ABLIM2: variants seen among roughly 807,000 people sequenced by gnomAD.
The protein encoded by ABLIM2 is actin binding LIM protein family member 2, also known as actin-binding LIM protein 2.
A neutral mutation model predicts 97.7 loss-of-function variants in ABLIM2; 53 were observed. That is an observed-to-expected ratio of 0.54 (90% CI 0.44 to 0.68). The LOEUF (loss-of-function observed/expected upper bound fraction) is 0.68, where lower values mean the gene tolerates loss of function less well. Among genes scored for constraint, ABLIM2 ranks in the 30% least tolerant of loss-of-function variants. The pLI is 0.00. For synonymous variants in ABLIM2, 361 were observed against 345.8 expected (o/e 1.04, Z -0.49); for missense variants, 835 against 867.2 (o/e 0.96, Z 0.47).
At chr4:8,136,144 C>CA (rs1275017246) in intron 1 of ABLIM2, among the ~76,000 whole-genome samples, 4 of 152,208 alleles carry the variant, frequency 2.6e-5, no homozygotes, top group Non-Finnish European at 4.4e-5. Flanking sequence ...AAAATCCCGA[C>CA]AGAGGCTACA....
intron 9 of ABLIM2, among the ~76,000 whole-genome samples, chr4:8,039,683 G>A (rs919376935): frequency 6.6e-6 from 1 of 152,100 alleles, no homozygotes. Flanking sequence ...ATGGAAGAAC[G>A]TTGCTTTTAT....
rs935614020 is a variant in ABLIM2 at position 8,128,247 on chromosome 4, C to T, written c.11-21610G>A. On this transcript the variant is annotated intron_variant, in intron 1 of 20. Coordinates refer to ENST00000447017, the MANE Select transcript of ABLIM2 (RefSeq NM_001130083.2). The surrounding 1 kb of genome is among the most constrained non-coding windows in gnomAD (Gnocchi z 4.9). ...GACACCAGTCACTGCATTTGGGGTC[C>T]GCCCTCATCCACAATGACCTCATCT... is the stretch of plus-strand genomic sequence containing the variant. 5.3e-5 allele frequency among the ~76,000 whole-genome samples: 8 copies of T among 152,158 alleles called. No individual in the cohort carries two copies. The highest frequency in any genetic ancestry group is 8.8e-5 in the Non-Finnish European group (6 of 68,038).
Position 8,058,451 on chromosome 4 carries a change from G to C in ABLIM2, c.763+2516C>G, listed in dbSNP as rs1040485349. Among the ~76,000 whole-genome samples the C allele has an allele frequency of 1.3e-5, 2 of 152,234 alleles. No individual in the cohort carries two copies. Among genetic ancestry groups the C allele is most frequent in the Admixed American group, 1.3e-4 (2 of 15,280 alleles). ...GCCCGCAGGCACCTGCACGGCAGAC[G>C]CTCTGACAGCAGCTCTCCCAGACCT... is the stretch of plus-strand genomic sequence containing the variant. On this transcript the variant is annotated intron_variant, in intron 7 of 20. Coordinates refer to ENST00000447017, the MANE Select transcript of ABLIM2 (RefSeq NM_001130083.2). This position sits in a 1 kb window ranked among gnomAD's most constrained non-coding sequence, Gnocchi z 4.2.
rs962942170 is a variant in ABLIM2 at position 8,128,456 on chromosome 4, C to G, written c.11-21819G>C. On this transcript the variant is annotated intron_variant, in intron 1 of 20. Coordinates refer to ENST00000447017, the MANE Select transcript of ABLIM2 (RefSeq NM_001130083.2). The surrounding 1 kb of genome is among the most constrained non-coding windows in gnomAD (Gnocchi z 4.9). ...TGCAGCTCGCAAGGCCCCTGCATAC[C>G]GAAACATGGCTAGCACCACGCAGAA... 2.0e-5 allele frequency among the ~76,000 whole-genome samples: 3 copies of G among 152,212 alleles called. No homozygotes were observed. Among genetic ancestry groups the G allele is most frequent in the Admixed American group, 6.5e-5 (1 of 15,284 alleles).
In ABLIM2 at chr4:8,045,270, G is replaced by A. The variant is rs142781024; in HGVS notation, c.823-29C>T. The A allele has an allele frequency of 5.7e-4, 910 of 1,596,588 alleles. 9 individuals are homozygous for A. In the East Asian group the frequency reaches 0.018, roughly 31 times the overall value. Reference sequence around the variant, plus strand: ...AGAAAGGAGAGAGGAAGAGATTGAAGGCAGGTACCAACATTCGGGGCCTTC... The same window carrying A: ...AGAAAGGAGAGAGGAAGAGATTGAAAGCAGGTACCAACATTCGGGGCCTTC... On this transcript the variant is annotated intron_variant, in intron 8 of 20. Coordinates refer to ENST00000447017, the MANE Select transcript of ABLIM2 (RefSeq NM_001130083.2).
intron 1 of ABLIM2, among the ~76,000 whole-genome samples, chr4:8,151,113 C>G (rs982815707): frequency 3.3e-5 from 5 of 152,172 alleles, no homozygotes; most frequent in African/African-American, 1.2e-4. Flanking sequence ...TTTAAACAAT[C>G]CGCTTGGAGA....
Position 8,032,857 on chromosome 4 carries a change from T to C in ABLIM2, c.1048-3081A>G, listed in dbSNP as rs895320592. 3.3e-5 allele frequency among the ~76,000 whole-genome samples: 5 copies of C among 151,944 alleles called. No homozygotes were observed. The highest frequency in any genetic ancestry group is 1.2e-4 in the African/African-American group (5 of 41,378). ...AAGTCAGGGTTCCAGAACCTTCTCT[T>C]TGGAGAAACATGGTTAATTCTTCCC... On this transcript the variant is annotated intron_variant, in intron 10 of 20. Coordinates refer to ENST00000447017, the MANE Select transcript of ABLIM2 (RefSeq NM_001130083.2). This position sits in a 1 kb window ranked among gnomAD's most constrained non-coding sequence, Gnocchi z 4.3.
rs145012746 is a variant in ABLIM2, at chr4:8,082,049, G to C, written c.455-1247C>G. Among the ~76,000 whole-genome samples the C allele has an allele frequency of 5.9e-5, 9 of 152,284 alleles. No individual in the cohort carries two copies. The highest frequency in any genetic ancestry group is 1.3e-4 in the Non-Finnish European group (9 of 68,018). Reference sequence around the variant, plus strand: ...GAAGTGTGTGTCTGCGTGTGTTTAAGGGTGTGGTTGTGTGTTGGGGGCATG... The same window carrying C: ...GAAGTGTGTGTCTGCGTGTGTTTAACGGTGTGGTTGTGTGTTGGGGGCATG... On this transcript the variant is annotated intron_variant, in intron 4 of 20. Transcript: ENST00000447017. The surrounding 1 kb of genome is among the most constrained non-coding windows in gnomAD (Gnocchi z 5.6).
rs1309647061 is a variant in ABLIM2 at position 8,147,137 on chromosome 4, AT to A, written c.10+11542del. 1.3e-5 allele frequency among the ~76,000 whole-genome samples: 2 copies of A among 152,246 alleles called. No individual in the cohort carries two copies. The highest frequency in any genetic ancestry group is 4.8e-5 in the African/African-American group (2 of 41,462). On this transcript the variant is annotated intron_variant, in intron 1 of 20. Coordinates refer to ENST00000447017, the MANE Select transcript of ABLIM2 (RefSeq NM_001130083.2). This position sits in a 1 kb window ranked among gnomAD's most constrained non-coding sequence, Gnocchi z 5.3. ...TTATTCCATCAAAAGGCATGAATGTATTTAAGTCTCCATACATTTCACCTAA... is the reference window on the plus strand; with the variant it reads ...TTATTCCATCAAAAGGCATGAATGTATTAAGTCTCCATACATTTCACCTAA...
intron 1 of ABLIM2, among the ~76,000 whole-genome samples, chr4:8,116,880 A>G (rs1843022640): frequency 6.6e-6 from 1 of 152,220 alleles, no homozygotes; most frequent in Non-Finnish European, 1.5e-5. Flanking sequence ...CACCAAGCAA[A>G]AAGTTAGGTT....
Position 8,112,230 on chromosome 4 carries a change from C to G in ABLIM2, c.11-5593G>C, listed in dbSNP as rs1840696908. ...TGGCTCTCTCAGGAAATCCCCCTGC[C>G]TCCCCCTCCAGGCTGAACTCCTGGT... On this transcript the variant is annotated intron_variant, in intron 1 of 20. Transcript: ENST00000447017. This position sits in a 1 kb window ranked among gnomAD's most constrained non-coding sequence, Gnocchi z 4.2. Among the ~76,000 whole-genome samples the G allele has an allele frequency of 6.6e-6, 1 of 152,218 alleles. No homozygotes were observed. Among genetic ancestry groups the G allele is most frequent in the African/African-American group, 2.4e-5 (1 of 41,454 alleles).
rs1288376511 is a variant in ABLIM2 at position 8,061,205 on chromosome 4, G to A, written c.676-151C>T. 7.7e-6 allele frequency among the ~76,000 whole-genome samples: 1 copy of A among 129,746 alleles called. No individual in the cohort carries two copies. The highest frequency in any genetic ancestry group is 2.7e-4 in the East Asian group (1 of 3,664). 85.1% of individuals were successfully genotyped at this position (129,746 alleles called of 152,430 possible). On this transcript the variant is annotated intron_variant, in intron 6 of 20. Coordinates refer to ENST00000447017, the MANE Select transcript of ABLIM2 (RefSeq NM_001130083.2). This position sits in a 1 kb window ranked among gnomAD's most constrained non-coding sequence, Gnocchi z 4.5. ...CCCACCATCGGGACCCAAGACCCCT[G>A]AGCAGAGCCCAGACCCGGGGGTGCC...
At chr4:8,056,262 G>A (rs1207175674) in intron 7 of ABLIM2, among the ~76,000 whole-genome samples, 1 of 151,166 alleles carries the variant, frequency 6.6e-6, no homozygotes, top group Non-Finnish European at 1.5e-5. Context: ...ACCTACAAAT[G>A]GAAGGGGTTC....
intron 3 of ABLIM2, among the ~76,000 whole-genome samples, chr4:8,093,119 G>A (rs147737087): frequency 1.2e-4 from 18 of 152,324 alleles, no homozygotes; most frequent in African/African-American, 3.8e-4. Flanking sequence ...AAAGTGCTGG[G>A]ATTACAGGCG....
In ABLIM2 at chr4:8,081,549, G is replaced by T. The variant is rs192859719; in HGVS notation, c.455-747C>A. Among the ~76,000 whole-genome samples, 10 of 152,342 alleles carry T rather than the reference G, an allele frequency of 6.6e-5. No individual in the cohort carries two copies. The South Asian group carries it at 2.1e-3, about 32-fold the overall frequency. ...CTGGCAGAGCGGGTGGAGCAGGCTG[G>T]GGAGCTGGGGAGAGCCTGGTGCACG... On this transcript the variant is annotated intron_variant, in intron 4 of 20. Transcript: ENST00000447017.
chr4:7,994,742 G>A lies in ABLIM2; in HGVS notation c.1619-1815C>T, dbSNP rs370883688. On this transcript the variant is annotated intron_variant, in intron 16 of 20. Transcript: ENST00000447017. ...AGTGTAAAAGTGTTCCTATTTCTCCGCATCCTCTCCAGCACCTGTTGTTTC... is the reference window on the plus strand; with the variant it reads ...AGTGTAAAAGTGTTCCTATTTCTCCACATCCTCTCCAGCACCTGTTGTTTC... 2.1e-3 allele frequency among the ~76,000 whole-genome samples: 239 copies of A among 115,712 alleles called. 37 individuals carry two copies. Among genetic ancestry groups the A allele is most frequent in the South Asian group, 0.017 (50 of 2,986 alleles). The allele number at this position is 115,712 out of a possible 152,430, so 75.9% of individuals were successfully genotyped here. A position where few individuals can be genotyped will look rare whatever the true frequency, so the allele number is the denominator to read the frequency against.
At chr4:8,078,104 G>A (rs1293345112) in intron 5 of ABLIM2, among the ~76,000 whole-genome samples, 2 of 152,142 alleles carry the variant, frequency 1.3e-5, no homozygotes, top group Admixed American at 6.5e-5. Flanking sequence ...AGCCAAAGAG[G>A]GGGGACAGTA....
At chr4:8,008,265 G>A in intron 15 of ABLIM2, 65 bp from the exon 16 acceptor site, 1 of 1,503,990 alleles carries the variant, frequency 6.6e-7, no homozygotes, top group Non-Finnish European at 9.2e-7. Flanking sequence ...ACATCTCACT[G>A]GACCCTTCTT....
At position 8,087,041 on chromosome 4, in the gene ABLIM2, C is replaced by T. The variant is rs1353217183; in HGVS notation, c.454+1128G>A. On this transcript the variant is annotated intron_variant, in intron 4 of 20. Transcript: ENST00000447017. This position sits in a 1 kb window ranked among gnomAD's most constrained non-coding sequence, Gnocchi z 4.6. Reference sequence around the variant, plus strand: ...ACCTCGGGGAGGCTGGAAGTGGAATCGCCTCTGTAGAGACTCTCAACGCAG... The same window carrying T: ...ACCTCGGGGAGGCTGGAAGTGGAATTGCCTCTGTAGAGACTCTCAACGCAG... Among the ~76,000 whole-genome samples, 1 of 152,146 alleles carries T rather than the reference C, an allele frequency of 6.6e-6. No homozygotes were observed.
Sources: gnomAD v4.1 joint callset for allele counts (sites outside exome capture counted in the v4.1 genomes callset) on GRCh38, gnomAD v4.1.1 for gene constraint, Gnocchi (gnomAD v3.1) non-coding constraint, MANE v1.5 for transcripts, NCBI Gene and HGNC (gene_info 2026-07-23, HGNC 2026-07-21) for gene names.